The following MCPH1 variants were observed in gnomAD, a reference collection of about 807,000 sequenced individuals.
The protein encoded by MCPH1 is microcephalin.
Under a neutral mutation model 84.5 loss-of-function variants are expected in MCPH1, and 104 were observed. The observed-to-expected ratio is 1.23, with a 90% CI of 1.05 to 1.45. The LOEUF is 1.45. MCPH1 is among the 40% of genes most tolerant of loss of function. The probability of loss-of-function intolerance (pLI) is 0.00; values close to 1 mark genes in which losing one functional copy is unlikely to be tolerated. For missense variants in MCPH1, 1,498 were observed against 1,005.7 expected (o/e 1.49, Z -6.62); for synonymous variants, 514 against 366.8 (o/e 1.40, Z -4.58).
intron 3 of MCPH1, among the ~76,000 whole-genome samples, chr8:6,416,759 C>T (rs557897925): frequency 7.2e-5 from 11 of 151,996 alleles, no homozygotes; most frequent in African/African-American, 1.4e-4. Context: ...TTTGGGAGGC[C>T]GAGGGGGGTG....
chr8:6,600,945 C>T (rs111488377), intron 12 of MCPH1, among the ~76,000 whole-genome samples: 66 of 152,300 alleles, frequency 4.3e-4, no homozygotes, highest in Non-Finnish European at 8.4e-4. Context: ...CGTTCAGAAT[C>T]GCTAAACACA....
chr8:6,406,851 TGTCCC>T (rs1797771083), intron 1 of MCPH1, 162 bp downstream of exon 1: 21 of 33,794 alleles, frequency 6.2e-4, no homozygotes, highest in Non-Finnish European at 1.5e-3. Flanking sequence ...CCCCGCTGCC[TGTCCC>T]ACCAAAACCC....
intron 12 of MCPH1, among the ~76,000 whole-genome samples, chr8:6,511,442 C>T (rs1242574787): frequency 3.3e-5 from 5 of 152,040 alleles, no homozygotes; most frequent in Non-Finnish European, 5.9e-5. Context: ...ATTTAATGTA[C>T]GCATAGCTTT....
At chr8:6,538,715 G>C (rs1820954890) in intron 12 of MCPH1, among the ~76,000 whole-genome samples, 2 of 152,202 alleles carry the variant, frequency 1.3e-5, no homozygotes, top group South Asian at 4.1e-4. Flanking sequence ...TTTTGTATTT[G>C]TGTCATTTCA....
chr8:6,559,676 A>T (rs1038508117), intron 12 of MCPH1, among the ~76,000 whole-genome samples: 18 of 147,728 alleles, frequency 1.2e-4, no homozygotes, highest in African/African-American at 4.2e-4. Flanking sequence ...CTCTTATCAG[A>T]AAAAAAAATT....
intron 12 of MCPH1, among the ~76,000 whole-genome samples, chr8:6,562,260 C>T (rs565490127): frequency 6.6e-6 from 1 of 152,306 alleles, no homozygotes; most frequent in African/African-American, 2.4e-5. Context: ...ACAGCCTTCC[C>T]TCACTTGCCT....
rs57281899 is a variant in MCPH1, at chr8:6,468,646, G to GTT, written c.1936-8934_1936-8933dup. Among the ~76,000 whole-genome samples the GTT allele has an allele frequency of 9.2e-3, 1,217 of 132,856 alleles. 17 individuals are homozygous for GTT. The highest frequency in any genetic ancestry group is 0.027 in the African/African-American group (1,005 of 37,464). The allele number at this position is 132,856 out of a possible 152,430, so 87.2% of individuals were successfully genotyped here. A position where few individuals can be genotyped will look rare whatever the true frequency, so the allele number is the denominator to read the frequency against. ...AACTACTTGGATGTACATTTTTTTG[G>GTT]TTTTTTTTTTTTTTTGCTATGAAAA... On this transcript the variant is annotated intron_variant, in intron 9 of 13. Coordinates refer to ENST00000344683, the MANE Select transcript of MCPH1 (RefSeq NM_024596.5).
At chr8:6,622,055 GAGTCC>G in intron 13 of MCPH1, 1 of 369,098 alleles carries the variant, frequency 2.7e-6, no homozygotes, top group South Asian at 2.1e-5. Flanking sequence ...CCTGCTTCAG[GAGTCC>G]CTGGCAGCGC....
chr8:6,461,299 A>G (rs562329373), intron 9 of MCPH1, among the ~76,000 whole-genome samples: 12 of 148,042 alleles, frequency 8.1e-5, no homozygotes, highest in African/African-American at 3.0e-4. Flanking sequence ...CTTATTTTAA[A>G]TATACTTGTT....
In MCPH1 at chr8:6,441,038, C is replaced by G. The variant is rs1345703111; in HGVS notation, c.581-1029C>G. ...AAGCCATCTCCTTTTGACAGCCTTACCAGACGTCTATCCAATATTCCTGTC... is the reference window on the plus strand; with the variant it reads ...AAGCCATCTCCTTTTGACAGCCTTAGCAGACGTCTATCCAATATTCCTGTC... On this transcript the variant is annotated intron_variant, in intron 6 of 13. Coordinates refer to ENST00000344683, the MANE Select transcript of MCPH1 (RefSeq NM_024596.5). Among the ~76,000 whole-genome samples, 3 of 152,186 alleles carry G rather than the reference C, an allele frequency of 2.0e-5. No individual in the cohort carries two copies. In the East Asian group the frequency reaches 5.8e-4, roughly 29 times the overall value.
chr8:6,472,551 C>T (rs566250680), intron 9 of MCPH1, among the ~76,000 whole-genome samples: 5 of 152,194 alleles, frequency 3.3e-5, no homozygotes, highest in East Asian at 1.9e-4. Flanking sequence ...CTGCAACCTC[C>T]GCCTCCTGGG....
chr8:6,587,808 A>G (rs117288440), intron 12 of MCPH1, among the ~76,000 whole-genome samples: 1 of 152,194 alleles, frequency 6.6e-6, no homozygotes, highest in Non-Finnish European at 1.5e-5. Flanking sequence ...AAGTTAAAGG[A>G]TGGTAAATTA....
intron 12 of MCPH1, among the ~76,000 whole-genome samples, chr8:6,611,865 A>G (rs370735659): frequency 5.1e-4 from 78 of 151,948 alleles, no homozygotes; most frequent in Middle Eastern, 3.4e-3. Flanking sequence ...TGATCCACCC[A>G]CCTCGGCCTC....
chr8:6,608,016 A>AC (rs1316613272), intron 12 of MCPH1, among the ~76,000 whole-genome samples: 1 of 152,024 alleles, frequency 6.6e-6, no homozygotes, highest in Admixed American at 6.6e-5. Flanking sequence ...TTTTTGATCC[A>AC]CCCCCAGGAG....
chr8:6,617,316 G>C (rs1586817088), intron 12 of MCPH1: 1 of 131,830 alleles, frequency 7.6e-6, no homozygotes, highest in South Asian at 2.4e-4. Context: ...ATCTCGTTCT[G>C]TCGCCCAGGC....
At chr8:6,623,688 CAAAAAAAAAAAAAAAAA>C (rs377522481) in intron 13 of MCPH1, among the ~76,000 whole-genome samples, 35,665 of 92,788 alleles carry the variant, frequency 0.38, 5,589 homozygotes, top group Middle Eastern at 0.53. Context: ...AACCAACTTC[CAAAAAAAAAAAAAAAAA>C]AAAAAAAAAA....
At chr8:6,447,015 C>G in intron 8 of MCPH1, 1 of 294,294 alleles carries the variant, frequency 3.4e-6, no homozygotes, top group East Asian at 6.2e-4. Flanking sequence ...CAGGGGTGTC[C>G]AGGCAGGGCC....
rs1252024553 is a variant in MCPH1 at position 6,592,614 on chromosome 8, CTTT to C, written c.2215-28834_2215-28832del. On this transcript the variant is annotated intron_variant, in intron 12 of 13. Transcript: ENST00000344683. ...GTCATCTAGGCTCTCGTTTTTCTTT[CTTT>C]TTTTTGTTTTTTTTTTTTTTTTTTT... Among the ~76,000 whole-genome samples the C allele has an allele frequency of 6.9e-3, 453 of 65,550 alleles. 13 individuals carry two copies. In the Admixed American group the frequency reaches 0.071, roughly 10 times the overall value. The allele number at this position is 65,550 out of a possible 152,430, so 43.0% of individuals were successfully genotyped here.
At chr8:6,484,787 C>T (rs547445675) in intron 11 of MCPH1, among the ~76,000 whole-genome samples, 2 of 152,164 alleles carry the variant, frequency 1.3e-5, no homozygotes, top group Non-Finnish European at 2.9e-5. Flanking sequence ...CTGTATAAGG[C>T]CATTTCTTTG....
Sources: allele counts gnomAD v4.1 joint callset (sites outside exome capture counted in the v4.1 genomes callset), GRCh38; gene constraint gnomAD v4.1.1; transcripts MANE v1.5; gene names NCBI Gene and HGNC (gene_info 2026-07-23, HGNC 2026-07-21).